The following PRDM16 variants were observed in gnomAD, a reference collection of about 807,000 sequenced individuals.
PRDM16 encodes histone-lysine N-methyltransferase PRDM16.
A neutral mutation model predicts 110.6 loss-of-function variants in PRDM16; 23 were observed. The observed-to-expected ratio is 0.21, with a 90% confidence interval of 0.15 to 0.29. The LOEUF (loss-of-function observed/expected upper bound fraction) is 0.29. PRDM16 is among the 10% of genes least tolerant of loss of function. The pLI, the probability that PRDM16 is intolerant of heterozygous loss-of-function variation, is 1.00. For missense variants in PRDM16, 1,615 were observed against 1,794.3 expected (o/e 0.90, Z 1.81); for synonymous variants, 799 against 781.8 (o/e 1.02, Z -0.37).
intron 1 of PRDM16, among the ~76,000 whole-genome samples, chr1:3,181,552 G>GGTCTTA (rs755533699): frequency 1.1e-4 from 3 of 27,430 alleles, no homozygotes; most frequent in Non-Finnish European, 1.6e-4. Flanking sequence ...TCTTACACAC[G>GGTCTTA]CAGTCTTACA....
Position 3,417,985 on chromosome 1 carries a change from G to A in PRDM16, c.2849G>A (p.Arg950Gln), listed in dbSNP as rs755741214. 10 of 1,611,886 alleles carry A rather than the reference G, an allele frequency of 6.2e-6. No individual in the cohort carries two copies. The highest frequency in any genetic ancestry group is 8.5e-6 in the Non-Finnish European group (10 of 1,179,442). ...SDPILRKGKE[R>Q]YTCRYCGKIF... ...CCCATCCTCAGGAAGGGCAAGGAGCGATACACGTGCAGGTGAGGGGCCCTT... is the reference window on the plus strand; with the variant it reads ...CCCATCCTCAGGAAGGGCAAGGAGCAATACACGTGCAGGTGAGGGGCCCTT... The change falls in exon 11 of 17, where the codon CGA becomes CAA. Residue 950 changes from arginine to glutamine, a missense_variant. By Grantham distance (43) the Arg-to-Gln change is conservative (BLOSUM62 1). Around this residue, in one of 5 missense-constraint regions of PRDM16, gnomAD observed 772 missense variants for 748.3 expected, o/e 1.03. Coordinates refer to ENST00000270722, the MANE Select transcript of PRDM16 (RefSeq NM_022114.4).
chr1:3,240,310 A>G (rs1639639804), intron 2 of PRDM16, among the ~76,000 whole-genome samples: 2 of 149,416 alleles, frequency 1.3e-5, no homozygotes, highest in Non-Finnish European at 1.5e-5. Context: ...GCTACTCAGG[A>G]GGCTGAGTTG....
chr1:3,261,127 G>GAAAAA (rs36004351), intron 3 of PRDM16, among the ~76,000 whole-genome samples: 1 of 139,490 alleles, frequency 7.2e-6, no homozygotes, highest in Non-Finnish European at 1.5e-5. Flanking sequence ...GCATTAACAA[G>GAAAAA]AAAAAAAAAA....
At chr1:3,418,101 T>A in intron 11 of PRDM16, 104 bp downstream of exon 11, 1 of 976,956 alleles carries the variant, frequency 1.0e-6, no homozygotes. Flanking sequence ...GTCCCGGCCA[T>A]AGGAAAGCAC....
chr1:3,088,783 ATTAT>A (rs1342232653), intron 1 of PRDM16, among the ~76,000 whole-genome samples: 16 of 137,270 alleles, frequency 1.2e-4, no homozygotes, highest in African/African-American at 4.1e-4. Flanking sequence ...ATTATTATTT[ATTAT>A]TTATTTATTT....
intron 3 of PRDM16, among the ~76,000 whole-genome samples, chr1:3,295,352 G>A (rs934263509): frequency 9.9e-5 from 15 of 152,192 alleles, no homozygotes; most frequent in East Asian, 1.9e-4. Context: ...TGCTGGGAGG[G>A]GACTGGGTGG....
At chr1:3,363,206 C>T (rs1005081447) in intron 3 of PRDM16, among the ~76,000 whole-genome samples, 5 of 152,152 alleles carry the variant, frequency 3.3e-5, no homozygotes, top group African/African-American at 9.7e-5. Flanking sequence ...GACTGCATCT[C>T]GGGGCCCGCG....
chr1:3,336,954 A>C (rs1642170195), intron 3 of PRDM16, among the ~76,000 whole-genome samples: 1 of 124,172 alleles, frequency 8.1e-6, no homozygotes, highest in Non-Finnish European at 1.7e-5. Flanking sequence ...TGAGTCTGTG[A>C]GCACATGCAT....
intron 1 of PRDM16, among the ~76,000 whole-genome samples, chr1:3,141,234 T>G (rs904041631): frequency 4.6e-5 from 7 of 152,256 alleles, no homozygotes; most frequent in African/African-American, 1.7e-4. Context: ...TGGGGGTATT[T>G]TCTCCTTCTG....
At chr1:3,289,689 C>T (rs1044912782) in intron 3 of PRDM16, among the ~76,000 whole-genome samples, 8 of 152,206 alleles carry the variant, frequency 5.3e-5, no homozygotes, top group African/African-American at 9.6e-5. Flanking sequence ...GGGGAGGGAA[C>T]GGCACAGGCA....
At chr1:3,388,686 C>T (rs12043142) in intron 4 of PRDM16, among the ~76,000 whole-genome samples, 2 of 152,180 alleles carry the variant, frequency 1.3e-5, no homozygotes, top group African/African-American at 2.4e-5. Flanking sequence ...GGGCTTTCCC[C>T]GAGTCTCCTG....
chr1:3,270,368 T>TC (rs1362120374), intron 3 of PRDM16, among the ~76,000 whole-genome samples: 1 of 132,300 alleles, frequency 7.6e-6, no homozygotes, highest in African/African-American at 3.2e-5. Context: ...AGGAGGACAG[T>TC]CAGGAGGAGG....
At chr1:3,431,618 C>A (rs982937549) in intron 15 of PRDM16, among the ~76,000 whole-genome samples, 23 of 127,256 alleles carry the variant, frequency 1.8e-4, no homozygotes, top group Non-Finnish European at 3.2e-4. Flanking sequence ...TGGATGCTGC[C>A]CCTGAGTCCT....
Position 3,333,789 on chromosome 1 carries a change from C to A in PRDM16, c.439-51363C>A, listed in dbSNP as rs76396820. ...CATCCCCTTGGTGATGAGTGAGTCC[C>A]CCCTCGGTTAGCTCATGCGAGATCT... is the stretch of plus-strand genomic sequence containing the variant. On this transcript the variant is annotated intron_variant, in intron 3 of 16. Coordinates refer to ENST00000270722, the MANE Select transcript of PRDM16 (RefSeq NM_022114.4). Among the ~76,000 whole-genome samples the A allele has an allele frequency of 9.7e-3, 1,479 of 152,162 alleles. 14 individuals are homozygous for A. Among genetic ancestry groups the A allele is most frequent in the African/African-American group, 0.033 (1,368 of 41,512 alleles).
rs1318157903 is a variant in PRDM16 at position 3,080,255 on chromosome 1, T to C, written c.37+10959T>C. Among the ~76,000 whole-genome samples, 1 of 152,176 alleles carries C rather than the reference T, an allele frequency of 6.6e-6. No individual in the cohort carries two copies. Among genetic ancestry groups the C allele is most frequent in the African/African-American group, 2.4e-5 (1 of 41,448 alleles). On this transcript the variant is annotated intron_variant, in intron 1 of 16. Coordinates refer to ENST00000270722, the MANE Select transcript of PRDM16 (RefSeq NM_022114.4). The surrounding 1 kb of genome is among the most constrained non-coding windows in gnomAD (Gnocchi z 5.2). ...TGTGTCTGTGTGTGAAAATATTAAA[T>C]TGCAATAACACGCCGTGCGAGTGCC...
intron 2 of PRDM16, among the ~76,000 whole-genome samples, chr1:3,191,194 A>G (rs1034675526): frequency 3.3e-5 from 5 of 152,206 alleles, no homozygotes; most frequent in African/African-American, 1.2e-4. Context: ...TGTTAATGTG[A>G]ATTGATGGGG....
chr1:3,181,122 ACG>A (rs1644159195), intron 1 of PRDM16, among the ~76,000 whole-genome samples: 1 of 137,496 alleles, frequency 7.3e-6, no homozygotes, highest in East Asian at 2.4e-4. Context: ...GGCCTTACAC[ACG>A]CAGTCTTACA....
chr1:3,182,583 A>G (rs1444194689), intron 1 of PRDM16, among the ~76,000 whole-genome samples: 2 of 152,168 alleles, frequency 1.3e-5, no homozygotes, highest in Non-Finnish European at 2.9e-5. Context: ...TGTAAGGCTG[A>G]AATAGACGCA....
chr1:3,341,039 C>T (rs982504859), intron 3 of PRDM16, among the ~76,000 whole-genome samples: 11 of 148,252 alleles, frequency 7.4e-5, no homozygotes, highest in African/African-American at 2.7e-4. Flanking sequence ...TCCAACCCCG[C>T]ACGCTCCTTG....
Sources: allele counts gnomAD v4.1 joint callset (sites outside exome capture counted in the v4.1 genomes callset), GRCh38; gene constraint gnomAD v4.1.1; regional missense constraint gnomAD v4.1.1; non-coding constraint Gnocchi (gnomAD v3.1); transcripts MANE v1.5; gene names NCBI Gene and HGNC (gene_info 2026-07-23, HGNC 2026-07-21).